ASCC1: variants seen among roughly 807,000 people sequenced by gnomAD.
The protein encoded by ASCC1 is activating signal cointegrator 1 complex subunit 1.
Under a neutral mutation model 46.6 loss-of-function variants are expected in ASCC1, and 35 were observed. The observed-to-expected ratio is 0.75, with a 90% CI of 0.57 to 0.99. The LOEUF (loss-of-function observed/expected upper bound fraction) is 0.99, where lower values mean the gene tolerates loss of function less well. Among genes scored for constraint, ASCC1 ranks in the 50% least tolerant of loss-of-function variants. ASCC1 has a pLI of 0.00. For missense variants in ASCC1, 376 were observed against 428.7 expected (o/e 0.88, Z 1.09); for synonymous variants, 143 against 146.6 (o/e 0.98, Z 0.18).
In ASCC1 at chr10:72,184,530, A is replaced by G. The variant is rs1853159167; in HGVS notation, c.489+12281T>C. Among the ~76,000 whole-genome samples, 3 of 152,200 alleles carry G rather than the reference A, an allele frequency of 2.0e-5. No individual in the cohort carries two copies. The South Asian group carries it at 6.2e-4, about 31-fold the overall frequency. ...AGAATGGTTATATTAACATCAAAAA[A>G]GTAGACCAGAACAAGGAACATTATC... On this transcript the variant is annotated intron_variant, in intron 5 of 9. Coordinates refer to ENST00000672957, the MANE Select transcript of ASCC1 (RefSeq NM_001198800.3).
At chr10:72,160,694 G>A (rs770252180) in intron 6 of ASCC1, among the ~76,000 whole-genome samples, 7 of 145,700 alleles carry the variant, frequency 4.8e-5, no homozygotes, top group Admixed American at 1.4e-4. Context: ...GAAAGACCCC[G>A]TCCCTAAAAA....
intron 7 of ASCC1, among the ~76,000 whole-genome samples, chr10:72,149,311 G>A (rs1375754174): frequency 6.6e-6 from 1 of 151,848 alleles, no homozygotes; most frequent in Admixed American, 6.6e-5. Flanking sequence ...GGTGGCGGGT[G>A]CCTGTAGTCT....
chr10:72,212,193 GT>G, intron 2 of ASCC1: 1 of 178,572 alleles, frequency 5.6e-6, no homozygotes, highest in Non-Finnish European at 1.2e-5. Flanking sequence ...GGCACCTGTA[GT>G]TCCAGCTACT....
At chr10:72,107,489 C>G (rs1842469998) in intron 9 of ASCC1, among the ~76,000 whole-genome samples, 2 of 152,084 alleles carry the variant, frequency 1.3e-5, no homozygotes, top group Admixed American at 1.3e-4. Flanking sequence ...GGAGATCCAC[C>G]ACATCCGGGG....
At chr10:72,102,483 T>G (rs1841889557) in intron 9 of ASCC1, 4 of 1,229,580 alleles carry the variant, frequency 3.3e-6, no homozygotes, top group Non-Finnish European at 4.7e-6. Context: ...TATTGAGTTG[T>G]AGTTCTTTTT....
At chr10:72,102,464 C>T in intron 9 of ASCC1, 1 of 1,399,298 alleles carries the variant, frequency 7.1e-7, no homozygotes, top group South Asian at 1.2e-5. Flanking sequence ...TTATGAGCGT[C>T]CCTCCTTTTA....
At chr10:72,197,254 G>A (rs559275159) in intron 4 of ASCC1, among the ~76,000 whole-genome samples, 266 of 151,932 alleles carry the variant, frequency 1.8e-3, no homozygotes, top group African/African-American at 6.1e-3. Context: ...GGTGGATCAC[G>A]AGGTCAGGAG....
chr10:72,127,505 T>C (rs1185583441), intron 9 of ASCC1, among the ~76,000 whole-genome samples: 2 of 152,032 alleles, frequency 1.3e-5, no homozygotes, highest in African/African-American at 2.4e-5. Flanking sequence ...ACTGCAGAGA[T>C]TGACTTTGTG....
intron 6 of ASCC1, among the ~76,000 whole-genome samples, chr10:72,156,972 T>C (rs1200571675): frequency 6.6e-6 from 1 of 152,128 alleles, no homozygotes; most frequent in Non-Finnish European, 1.5e-5. Flanking sequence ...GTGAAACTAG[T>C]AACTCAACTA....
intron 7 of ASCC1, among the ~76,000 whole-genome samples, chr10:72,143,373 T>C (rs988943024): frequency 1.3e-5 from 2 of 151,830 alleles, no homozygotes; most frequent in Non-Finnish European, 2.9e-5. Flanking sequence ...CTTTTTGTTG[T>C]TGTTGTTGTT....
intron 9 of ASCC1, among the ~76,000 whole-genome samples, chr10:72,109,833 T>C (rs180732571): frequency 6.6e-6 from 1 of 152,218 alleles, no homozygotes. Context: ...GAAAAGAGGC[T>C]ACGCTGACCC....
intron 8 of ASCC1, among the ~76,000 whole-genome samples, chr10:72,131,290 G>A (rs1845554268): frequency 6.6e-6 from 1 of 152,010 alleles, no homozygotes; most frequent in Admixed American, 6.6e-5. Flanking sequence ...GCGGTGGCAG[G>A]TGCCTGTAAT....
chr10:72,189,091 A>G (rs1853959246), intron 5 of ASCC1, among the ~76,000 whole-genome samples: 1 of 151,872 alleles, frequency 6.6e-6, no homozygotes, highest in African/African-American at 2.4e-5. Context: ...AACCCTCCCA[A>G]GTAGGCTATA....
chr10:72,188,504 G>A lies in ASCC1; in HGVS notation c.489+8307C>T, dbSNP rs190750308. Among the ~76,000 whole-genome samples, 154 of 151,272 alleles carry A rather than the reference G, an allele frequency of 1.0e-3. 3 individuals carry two copies. The highest frequency in any genetic ancestry group is 3.1e-3 in the African/African-American group (128 of 41,238). On this transcript the variant is annotated intron_variant, in intron 5 of 9. Transcript: ENST00000672957. ...TACCTTTAGCAATATGAACCTGATC[G>A]AAAAAAGGAAAAGAAAAGGAAAAGG...
chr10:72,192,684 G>A (rs957653975), intron 5 of ASCC1, among the ~76,000 whole-genome samples: 2 of 152,030 alleles, frequency 1.3e-5, no homozygotes, highest in East Asian at 1.9e-4. Flanking sequence ...AGTAGAGATC[G>A]GATTTCACCC....
chr10:72,188,482 C>A (rs921265721), intron 5 of ASCC1, among the ~76,000 whole-genome samples: 4 of 151,752 alleles, frequency 2.6e-5, no homozygotes, highest in South Asian at 4.2e-4. Context: ...CTAAGACTAC[C>A]TTTAGCAATA....
At chr10:72,151,668 ATAATT>A (rs1046711574) in intron 7 of ASCC1, among the ~76,000 whole-genome samples, 4 of 152,120 alleles carry the variant, frequency 2.6e-5, no homozygotes, top group African/African-American at 9.7e-5. Context: ...AGCATTTTAA[ATAATT>A]TAAGTAATTT....
chr10:72,143,163 G>GA (rs34005540), intron 7 of ASCC1, among the ~76,000 whole-genome samples: 1,914 of 87,216 alleles, frequency 0.022, 24 homozygotes, highest in Middle Eastern at 0.038. Context: ...TCCGTCTCAG[G>GA]AAAAAAAAAA....
chr10:72,209,473 C>T (rs888306583), intron 3 of ASCC1, among the ~76,000 whole-genome samples: 13 of 152,086 alleles, frequency 8.5e-5, no homozygotes, highest in Non-Finnish European at 1.2e-4. Flanking sequence ...AGTGCGACAC[C>T]CTGTCTCAAA....
Sources: gnomAD v4.1 joint callset for allele counts (sites outside exome capture counted in the v4.1 genomes callset) on GRCh38, gnomAD v4.1.1 for gene constraint, MANE v1.5 for transcripts, NCBI Gene and HGNC (gene_info 2026-07-23, HGNC 2026-07-21) for gene names.